Variants in PPARGC1A observed in about 807,000 individuals in gnomAD.
The protein encoded by PPARGC1A is PPARG coactivator 1 alpha, also known as peroxisome proliferator-activated receptor gamma coactivator 1-alpha.
PPARGC1A carries 25 observed loss-of-function variants against 88.7 expected under a neutral mutation model. That is an observed-to-expected ratio of 0.28 (90% CI 0.21 to 0.39). PPARGC1A has a LOEUF of 0.39. Among genes scored for constraint, PPARGC1A ranks in the 10% least tolerant of loss-of-function variants. The pLI, the probability that PPARGC1A is intolerant of heterozygous loss-of-function variation, is 1.00. For missense variants in PPARGC1A, 880 were observed against 968.7 expected (o/e 0.91, Z 1.22); for synonymous variants, 363 against 355.6 (o/e 1.02, Z -0.24).
chr4:24,346,757 G>A, the PPARGC1A span, among the ~76,000 whole-genome samples: 1 of 151,862 alleles, frequency 6.6e-6, no homozygotes, highest in Non-Finnish European at 1.5e-5. Context: ...TTTTTTGTTT[G>A]TTTCAATTTC....
At chr4:24,176,785 A>G in the PPARGC1A span, among the ~76,000 whole-genome samples, 1 of 152,168 alleles carries the variant, frequency 6.6e-6, no homozygotes, top group Admixed American at 6.5e-5. Context: ...GAGCCTAAAG[A>G]GAAAGGTCGA....
At chr4:23,890,213 G>T, upstream of PPARGC1A, 4 of 386,360 alleles carry the variant, frequency 1.0e-5, no homozygotes, top group African/African-American at 6.4e-5. Flanking sequence ...GTGAAGTAAC[G>T]CTTTAAAAAA....
At chr4:24,170,124 A>C in the PPARGC1A span, among the ~76,000 whole-genome samples, 6 of 152,188 alleles carry the variant, frequency 3.9e-5, no homozygotes, top group Non-Finnish European at 5.9e-5. Context: ...AAGGCTTTAA[A>C]AATAAGAGAA....
At chr4:24,156,736 CTT>C in the PPARGC1A span, among the ~76,000 whole-genome samples, 30 of 139,416 alleles carry the variant, frequency 2.2e-4, no homozygotes, top group South Asian at 2.3e-4. Context: ...TTCTCTCTCT[CTT>C]TTTTTTTTTT....
At chr4:24,031,303 A>G in the PPARGC1A span, among the ~76,000 whole-genome samples, 1 of 152,134 alleles carries the variant, frequency 6.6e-6, no homozygotes, top group African/African-American at 2.4e-5. Flanking sequence ...CCCTTAATAG[A>G]TGAGTTGCTT....
At chr4:24,207,355 C>T in the PPARGC1A span, among the ~76,000 whole-genome samples, 2 of 152,164 alleles carry the variant, frequency 1.3e-5, no homozygotes, top group African/African-American at 4.8e-5. Flanking sequence ...CATACAAACA[C>T]AAAACAGGCC....
chr4:23,852,469 T>C (rs1729471939), intron 2 of PPARGC1A, among the ~76,000 whole-genome samples: 2 of 152,102 alleles, frequency 1.3e-5, no homozygotes, highest in African/African-American at 4.8e-5. Context: ...CAGTCTTCAT[T>C]GTACTTGCTC....
the PPARGC1A span, among the ~76,000 whole-genome samples, chr4:24,372,443 C>T: frequency 6.6e-6 from 1 of 152,158 alleles, no homozygotes; most frequent in Non-Finnish European, 1.5e-5. Flanking sequence ...GGATCTCCAG[C>T]TTAAATCAAC....
upstream of PPARGC1A, among the ~76,000 whole-genome samples, chr4:23,903,753 T>G (rs972067509): frequency 1.3e-5 from 2 of 152,080 alleles, no homozygotes; most frequent in African/African-American, 2.4e-5. Context: ...CTTCCCAAAT[T>G]AGGCATTTTA....
chr4:24,448,116 C>T, the PPARGC1A span, among the ~76,000 whole-genome samples: 1 of 152,120 alleles, frequency 6.6e-6, no homozygotes, highest in Non-Finnish European at 1.5e-5. Context: ...TTAAATCTCC[C>T]CTTTAACCCA....
At chr4:24,075,790 A>G in the PPARGC1A span, among the ~76,000 whole-genome samples, 8,653 of 152,188 alleles carry the variant, frequency 0.057, 787 homozygotes, top group African/African-American at 0.19. Flanking sequence ...TCCCAGCCAC[A>G]TGGAACTGTG....
At chr4:24,234,829 A>G in the PPARGC1A span, among the ~76,000 whole-genome samples, 1 of 152,208 alleles carries the variant, frequency 6.6e-6, no homozygotes, top group Non-Finnish European at 1.5e-5. Flanking sequence ...ATTGGGCAAA[A>G]TGAAACAAAG....
the PPARGC1A span, among the ~76,000 whole-genome samples, chr4:24,235,651 A>C: frequency 6.6e-6 from 1 of 152,232 alleles, no homozygotes; most frequent in Non-Finnish European, 1.5e-5. Context: ...GCAGAACAAA[A>C]TGAATTATCA....
At chr4:23,811,435 T>C (rs1720879058) in intron 10 of PPARGC1A, among the ~76,000 whole-genome samples, 1 of 152,230 alleles carries the variant, frequency 6.6e-6, no homozygotes, top group Non-Finnish European at 1.5e-5. Flanking sequence ...GCAGCTGCAC[T>C]GAATAAAAGC....
chr4:24,166,745 TATAGC>T, the PPARGC1A span, among the ~76,000 whole-genome samples: 3 of 152,208 alleles, frequency 2.0e-5, no homozygotes, highest in East Asian at 5.8e-4. Context: ...CATATCTGTT[TATAGC>T]ATGGTTTACT....
chr4:23,974,091 G>A, the PPARGC1A span, among the ~76,000 whole-genome samples: 53 of 152,148 alleles, frequency 3.5e-4, no homozygotes, highest in East Asian at 8.7e-3. Flanking sequence ...AGTAGAGAAC[G>A]GGCCCAAGTA....
At chr4:24,077,007 T>C in the PPARGC1A span, among the ~76,000 whole-genome samples, 1 of 152,132 alleles carries the variant, frequency 6.6e-6, no homozygotes, top group Non-Finnish European at 1.5e-5. Context: ...TCCCTCCTTT[T>C]TTTGGCTCAA....
the PPARGC1A span, among the ~76,000 whole-genome samples, chr4:24,099,201 A>T: frequency 1.3e-5 from 2 of 151,064 alleles, no homozygotes; most frequent in Non-Finnish European, 2.9e-5. Flanking sequence ...TGCAGATCTA[A>T]TGACTAGATT....
chr4:24,084,275 G>C, the PPARGC1A span, among the ~76,000 whole-genome samples: 2 of 152,324 alleles, frequency 1.3e-5, no homozygotes, highest in South Asian at 4.1e-4. Flanking sequence ...ATAGAAGTTA[G>C]GGATAATAAG....
Sources: gnomAD v4.1 joint callset for allele counts (sites outside exome capture counted in the v4.1 genomes callset) on GRCh38, gnomAD v4.1.1 for gene constraint, MANE v1.5 for transcripts, NCBI Gene and HGNC (gene_info 2026-07-23, HGNC 2026-07-21) for gene names.